Variants in RUNX1 observed in about 807,000 individuals in gnomAD.
The protein encoded by RUNX1 is RUNX family transcription factor 1.
Under a neutral mutation model 42.8 loss-of-function variants are expected in RUNX1, and 19 were observed. That is an observed-to-expected ratio of 0.44 (90% CI 0.31 to 0.65). The LOEUF (loss-of-function observed/expected upper bound fraction) is 0.65. Among genes scored for constraint, RUNX1 ranks in the 30% least tolerant of loss-of-function variants. The pLI, the probability that RUNX1 is intolerant of heterozygous loss-of-function variation, is 0.07. For synonymous variants in RUNX1, 271 were observed against 289.4 expected, an observed-to-expected ratio of 0.94 and a Z score of 0.64; for missense variants, 528 against 672.0, an observed-to-expected ratio of 0.79 and a Z score of 2.37.
chr21:34,980,485 T>TC (rs1655992618), intron 2 of RUNX1, among the ~76,000 whole-genome samples: 1 of 152,192 alleles, frequency 6.6e-6, no homozygotes. Context: ...TTCACACTTT[T>TC]CCCGAAATCT....
At chr21:34,930,399 G>A (rs1396024646) in intron 2 of RUNX1, among the ~76,000 whole-genome samples, 1 of 151,062 alleles carries the variant, frequency 6.6e-6, no homozygotes, top group Non-Finnish European at 1.5e-5. Context: ...GGCCAAATAA[G>A]GTTTATCTGG....
At chr21:34,812,068 C>T (rs1335786707) in intron 7 of RUNX1, among the ~76,000 whole-genome samples, 1 of 150,244 alleles carries the variant, frequency 6.7e-6, no homozygotes, top group East Asian at 1.9e-4. Flanking sequence ...CACCAAGCAA[C>T]AGAGTGAATA....
intron 2 of RUNX1, among the ~76,000 whole-genome samples, chr21:34,929,670 A>G (rs1047578001): frequency 6.6e-6 from 1 of 152,218 alleles, no homozygotes; most frequent in Admixed American, 6.5e-5. Flanking sequence ...AATTCATCTG[A>G]GAATAACAAG....
chr21:34,981,232 T>C (rs1014166621), intron 2 of RUNX1, among the ~76,000 whole-genome samples: 4 of 152,176 alleles, frequency 2.6e-5, no homozygotes, highest in African/African-American at 9.6e-5. Flanking sequence ...GTGAGAAAAA[T>C]AGATGCTTCC....
At chr21:34,810,116 C>G (rs896342461) in intron 7 of RUNX1, among the ~76,000 whole-genome samples, 1 of 152,240 alleles carries the variant, frequency 6.6e-6, no homozygotes, top group Non-Finnish European at 1.5e-5. Flanking sequence ...TCTCAAAAGC[C>G]TTCCTCTCTA....
intron 2 of RUNX1, among the ~76,000 whole-genome samples, chr21:34,906,931 T>C (rs571690671): frequency 6.6e-5 from 10 of 152,258 alleles, no homozygotes; most frequent in Non-Finnish European, 1.3e-4. Flanking sequence ...ATGGTTTAAA[T>C]ATAAAATGCA....
chr21:34,970,896 A>C (rs1041475230), intron 2 of RUNX1, among the ~76,000 whole-genome samples: 7 of 152,226 alleles, frequency 4.6e-5, no homozygotes, highest in African/African-American at 1.7e-4. Flanking sequence ...AAAAGAAAAA[A>C]AAAGGTCTCC....
chr21:35,015,870 G>A (rs1351417327), intron 2 of RUNX1, among the ~76,000 whole-genome samples: 1 of 152,216 alleles, frequency 6.6e-6, no homozygotes, highest in African/African-American at 2.4e-5. Context: ...TGACAGGGCA[G>A]AGAGTTAAGC....
chr21:34,872,935 G>T (rs1229491035), intron 5 of RUNX1, among the ~76,000 whole-genome samples: 2 of 152,206 alleles, frequency 1.3e-5, no homozygotes, highest in African/African-American at 4.8e-5. Context: ...GATAAGCAGG[G>T]AGACAAGATA....
intron 6 of RUNX1, among the ~76,000 whole-genome samples, chr21:34,847,302 GT>G (rs1218292909): frequency 6.6e-6 from 1 of 152,042 alleles, no homozygotes. Context: ...ATGGAAAAAG[GT>G]AAAATTTCTA....
intron 2 of RUNX1, among the ~76,000 whole-genome samples, chr21:34,984,500 C>A (rs988978724): frequency 1.3e-5 from 2 of 151,932 alleles, no homozygotes; most frequent in Non-Finnish European, 2.9e-5. Flanking sequence ...CTCTTTGGTG[C>A]GCTGTGGAGG....
chr21:34,985,053 A>G (rs1029396733), intron 2 of RUNX1, among the ~76,000 whole-genome samples: 1 of 152,172 alleles, frequency 6.6e-6, no homozygotes, highest in African/African-American at 2.4e-5. Context: ...AGGATGAAAA[A>G]ATTGTGTCAA....
intron 6 of RUNX1, among the ~76,000 whole-genome samples, chr21:34,853,619 C>G (rs866800751): frequency 2.0e-5 from 3 of 152,084 alleles, no homozygotes; most frequent in Non-Finnish European, 2.9e-5. Context: ...AATTAATATG[C>G]GTGAAGCACT....
chr21:34,804,501 GC>G (rs2056652039), intron 7 of RUNX1, among the ~76,000 whole-genome samples: 1 of 152,018 alleles, frequency 6.6e-6, no homozygotes, highest in Admixed American at 6.6e-5. Context: ...CACGCTAAAG[GC>G]CTACTAAGTT....
At chr21:34,801,058 TAGC>T (rs2056600509) in intron 7 of RUNX1, among the ~76,000 whole-genome samples, 1 of 151,868 alleles carries the variant, frequency 6.6e-6, no homozygotes, top group Admixed American at 6.6e-5. Context: ...CAAACAGAAA[TAGC>T]AGACGGTTCA....
chr21:34,994,008 G>C (rs1035414310), intron 2 of RUNX1, among the ~76,000 whole-genome samples: 3 of 152,176 alleles, frequency 2.0e-5, no homozygotes, highest in African/African-American at 7.2e-5. Flanking sequence ...TTGGGGAAAG[G>C]GTTGTTCCCT....
chr21:34,993,704 CACAG>C (rs1444023825), intron 2 of RUNX1, among the ~76,000 whole-genome samples: 1 of 139,150 alleles, frequency 7.2e-6, no homozygotes, highest in African/African-American at 3.2e-5. Flanking sequence ...CGCACACACA[CACAG>C]ACACACACAG....
At chr21:34,887,391 C>A in intron 3 of RUNX1, 1 of 1,405,902 alleles carries the variant, frequency 7.1e-7, no homozygotes. Context: ...TGGAGACTAT[C>A]TTCCACGAAT....
chr21:34,842,554 A>G (rs960543209), intron 6 of RUNX1, among the ~76,000 whole-genome samples: 1 of 152,098 alleles, frequency 6.6e-6, no homozygotes, highest in East Asian at 1.9e-4. Flanking sequence ...TTCATAGTGA[A>G]AAATCAAAAA....
Sources: allele counts gnomAD v4.1 joint callset (sites outside exome capture counted in the v4.1 genomes callset), GRCh38; gene constraint gnomAD v4.1.1; transcripts MANE v1.5; gene names NCBI Gene and HGNC (gene_info 2026-07-23, HGNC 2026-07-21).